Variants in DEK observed in about 807,000 individuals in gnomAD.
DEK encodes DEK proto-oncogene, also known as protein DEK.
In DEK, 28 loss-of-function variants were observed where a neutral mutation model predicts 46.8. That is an observed-to-expected ratio of 0.60 (90% confidence interval 0.44 to 0.82). DEK has a LOEUF of 0.82. DEK is among the 40% of genes least tolerant of loss of function. The pLI is 0.00. For missense variants in DEK, 416 were observed against 430.6 expected (o/e 0.97, Z 0.30); for synonymous variants, 160 against 144.5 (o/e 1.11, Z -0.77).
chr6:18,235,743 C>A (rs1356484891), intron 9 of DEK, among the ~76,000 whole-genome samples: 1 of 152,144 alleles, frequency 6.6e-6, no homozygotes, highest in Non-Finnish European at 1.5e-5. Flanking sequence ...CCTGCCTCAG[C>A]CTATCAAAGT....
At chr6:18,256,293 T>G in intron 5 of DEK, 68 bp downstream of exon 5, 1 of 1,394,246 alleles carries the variant, frequency 7.2e-7, no homozygotes, top group East Asian at 2.5e-5. Flanking sequence ...GGCCCGAATG[T>G]GATTTAACAT....
chr6:18,250,240 C>G (rs1791306790), intron 6 of DEK, among the ~76,000 whole-genome samples: 1 of 152,074 alleles, frequency 6.6e-6, no homozygotes, highest in South Asian at 2.1e-4. Flanking sequence ...GACGCCGAGG[C>G]GGGCAGATCA....
intron 6 of DEK, among the ~76,000 whole-genome samples, chr6:18,253,001 T>C (rs1791455375): frequency 6.6e-6 from 1 of 152,176 alleles, no homozygotes; most frequent in South Asian, 2.1e-4. Context: ...TATACATAAA[T>C]ATGGCTACAA....
intron 6 of DEK, 22 bp downstream of exon 6, chr6:18,255,709 A>C: frequency 2.5e-6 from 4 of 1,581,240 alleles, no homozygotes; most frequent in Non-Finnish European, 3.4e-6. Context: ...GATTTATGAA[A>C]AAAATAAAAA....
intron 6 of DEK, among the ~76,000 whole-genome samples, chr6:18,252,606 A>C (rs150812454): frequency 2.6e-5 from 4 of 152,096 alleles, no homozygotes; most frequent in East Asian, 3.9e-4. Flanking sequence ...AAAAACTGAC[A>C]TAAGAGTTAA....
rs1355723353 is a variant in DEK at position 18,255,588 on chromosome 6, T to G, written c.573+143A>C. On this transcript the variant is annotated intron_variant, in intron 6 of 10. Transcript: ENST00000652689. ...TATATTATTTCTATCAGGAAATTAC[T>G]GCAGATACGTCAACAGAAGGTATAG... is the stretch of plus-strand genomic sequence containing the variant. 7.2e-6 allele frequency: 7 copies of G among 968,728 alleles called. No individual in the cohort carries two copies. In the South Asian group the frequency reaches 9.5e-5, roughly 13 times the overall value. 60.0% of individuals were successfully genotyped at this position (968,728 alleles called of 1,614,324 possible).
intron 9 of DEK, among the ~76,000 whole-genome samples, chr6:18,234,279 GAT>G (rs34234830): frequency 0.3 from 42,720 of 144,274 alleles, 6,156 homozygotes; most frequent in South Asian, 0.46. Context: ...ATGGCACATG[GAT>G]ATATATATAT....
intron 8 of DEK, 87 bp downstream of exon 8, chr6:18,237,294 T>C: frequency 1.4e-6 from 2 of 1,437,920 alleles, no homozygotes; most frequent in Non-Finnish European, 1.8e-6. Context: ...AGTTTACCTG[T>C]TTCTCCCACA....
At chr6:18,230,911 C>A (rs1319955249) in intron 9 of DEK, among the ~76,000 whole-genome samples, 1 of 152,202 alleles carries the variant, frequency 6.6e-6, no homozygotes, top group East Asian at 1.9e-4. Context: ...CACCCCAAAT[C>A]AACAGAATAT....
At chr6:18,242,023 G>A (rs1374479682) in intron 7 of DEK, among the ~76,000 whole-genome samples, 1 of 152,194 alleles carries the variant, frequency 6.6e-6, no homozygotes, top group East Asian at 1.9e-4. Flanking sequence ...TAAAGCTATT[G>A]CTTAAAATCA....
intron 7 of DEK, among the ~76,000 whole-genome samples, chr6:18,248,251 T>G (rs148044499): frequency 2.0e-5 from 3 of 152,308 alleles, no homozygotes; most frequent in East Asian, 3.9e-4. Context: ...GAGGTCAGAT[T>G]TGAACTCAGT....
chr6:18,239,530 C>G (rs1790815246), intron 7 of DEK, among the ~76,000 whole-genome samples: 1 of 151,874 alleles, frequency 6.6e-6, no homozygotes, highest in Non-Finnish European at 1.5e-5. Flanking sequence ...TTTATACAAG[C>G]CTATCATCAC....
intron 8 of DEK, chr6:18,237,034 G>GT: frequency 5.0e-6 from 1 of 201,918 alleles, no homozygotes. Context: ...CAAGGCTACA[G>GT]TGAGCTGTAA....
At chr6:18,246,961 A>C (rs1047349648) in intron 7 of DEK, among the ~76,000 whole-genome samples, 1 of 152,228 alleles carries the variant, frequency 6.6e-6, no homozygotes, top group African/African-American at 2.4e-5. Context: ...TTCCTATCAT[A>C]AAGAAATCTA....
intron 10 of DEK, chr6:18,225,936 C>T: frequency 1.4e-6 from 1 of 690,246 alleles, no homozygotes; most frequent in East Asian, 2.9e-5. Flanking sequence ...GCCCAGCTAC[C>T]CAGGTACACC....
Position 18,224,178 on chromosome 6 carries a change from C to G in DEK, c.*1541G>C, listed in dbSNP as rs967078777. 1 of 173,984 alleles carries G rather than the reference C, an allele frequency of 5.7e-6. No individual in the cohort carries two copies. The highest frequency in any genetic ancestry group is 2.4e-5 in the African/African-American group (1 of 42,106). 10.8% of individuals were successfully genotyped at this position (173,984 alleles called of 1,614,324 possible). On this transcript the variant is annotated 3_prime_UTR_variant, in exon 11 of 11. Coordinates refer to ENST00000652689, the MANE Select transcript of DEK (RefSeq NM_003472.4). ...ATCAAATGCAAGTGACTTAAAACAC[C>G]AGTGATTTAGATTTATTTTTATTGA...
chr6:18,245,532 C>T (rs780960283), intron 7 of DEK, among the ~76,000 whole-genome samples: 14 of 151,194 alleles, frequency 9.3e-5, no homozygotes, highest in African/African-American at 2.2e-4. Context: ...GATACGTATG[C>T]GCTATAAAAA....
Position 18,237,505 on chromosome 6 carries a change from CT to C in DEK, c.773del (p.Lys258ArgfsTer20). On this transcript the variant is annotated frameshift_variant, in exon 8 of 11. Coordinates refer to ENST00000652689, the MANE Select transcript of DEK (RefSeq NM_003472.4). LOFTEE classifies it high-confidence loss of function. ...DKESEEEPPK[K>X]TAKREKPKQK... The stretch of plus-strand genomic sequence containing the variant: ...GTTTAGGTTTTTCTCTTTTGGCTGT[CT>C]TTTTTGGTGGCTGTTACAAAAGAAA... 6.3e-7 allele frequency: 1 copy of C among 1,598,374 alleles called. No individual in the cohort carries two copies.
chr6:18,246,489 A>C (rs1208243111), intron 7 of DEK, among the ~76,000 whole-genome samples: 1 of 152,252 alleles, frequency 6.6e-6, no homozygotes, highest in African/African-American at 2.4e-5. Context: ...ACCTCAAACA[A>C]GTGCTTTAGC....
Sources: allele counts gnomAD v4.1 joint callset (sites outside exome capture counted in the v4.1 genomes callset), GRCh38; gene constraint gnomAD v4.1.1; transcripts MANE v1.5; gene names NCBI Gene and HGNC (gene_info 2026-07-23, HGNC 2026-07-21).